FRMD4A: variants seen among roughly 807,000 people sequenced by gnomAD.
The protein encoded by FRMD4A is FERM domain containing 4A.
FRMD4A carries 29 observed loss-of-function variants against 129.1 expected under a neutral mutation model. That is an observed-to-expected ratio of 0.22 (90% CI 0.17 to 0.31). FRMD4A has a LOEUF of 0.31. Ranked by LOEUF, FRMD4A falls within the 10% of genes least tolerant of loss-of-function variation. FRMD4A has a pLI of 1.00. For missense variants in FRMD4A, 1,272 were observed against 1,375.8 expected (o/e 0.92, Z 1.19); for synonymous variants, 634 against 571.6 (o/e 1.11, Z -1.56).
intron 15 of FRMD4A, among the ~76,000 whole-genome samples, chr10:13,689,765 G>A (rs2085498288): frequency 6.6e-6 from 1 of 151,176 alleles, no homozygotes; most frequent in African/African-American, 2.4e-5. Flanking sequence ...GTCTTGCTAT[G>A]TTGCCAAGGC....
intron 2 of FRMD4A, among the ~76,000 whole-genome samples, chr10:14,149,083 T>C (rs1354481074): frequency 6.6e-6 from 1 of 152,196 alleles, no homozygotes; most frequent in East Asian, 1.9e-4. Context: ...ACATCATGAA[T>C]GAGCCAGATC....
intron 4 of FRMD4A, among the ~76,000 whole-genome samples, chr10:13,799,694 A>G (rs1564823575): frequency 6.6e-6 from 1 of 151,964 alleles, no homozygotes; most frequent in Non-Finnish European, 1.5e-5. Context: ...CCTCCTTGGA[A>G]CTGGAGAACT....
At chr10:14,238,883 A>G (rs11258968) in intron 2 of FRMD4A, among the ~76,000 whole-genome samples, 59,590 of 152,036 alleles carry the variant, frequency 0.39, 12,562 homozygotes, top group South Asian at 0.47. Context: ...TTATGGCTGC[A>G]TAGTATTCCA....
At chr10:14,063,766 C>G (rs1416188693) in intron 2 of FRMD4A, among the ~76,000 whole-genome samples, 1 of 152,066 alleles carries the variant, frequency 6.6e-6, no homozygotes, top group Non-Finnish European at 1.5e-5. Context: ...TAACTCCCAT[C>G]TGGTATGCAT....
intron 4 of FRMD4A, among the ~76,000 whole-genome samples, chr10:13,805,066 A>G (rs946498148): frequency 6.6e-6 from 1 of 152,210 alleles, no homozygotes; most frequent in African/African-American, 2.4e-5. Context: ...ACTTTTATGA[A>G]GGAAAGGGAA....
chr10:14,150,509 A>G (rs1197843345), intron 2 of FRMD4A, among the ~76,000 whole-genome samples: 4 of 152,144 alleles, frequency 2.6e-5, no homozygotes, highest in Non-Finnish European at 5.9e-5. Flanking sequence ...TGTCCAGCCA[A>G]TGGATCTGCT....
chr10:13,673,405 T>G (rs954027291), intron 16 of FRMD4A, among the ~76,000 whole-genome samples: 7 of 152,180 alleles, frequency 4.6e-5, no homozygotes, highest in African/African-American at 1.7e-4. Flanking sequence ...GGCCTTAGTG[T>G]TTGGGGGAGG....
chr10:14,310,395 C>G (rs1473490191), intron 2 of FRMD4A, among the ~76,000 whole-genome samples: 1 of 152,200 alleles, frequency 6.6e-6, no homozygotes, highest in South Asian at 2.1e-4. Flanking sequence ...CAGAATTTCC[C>G]TTTTAACAAA....
At chr10:13,945,123 C>A (rs867936211) in intron 2 of FRMD4A, among the ~76,000 whole-genome samples, 9 of 152,190 alleles carry the variant, frequency 5.9e-5, no homozygotes, top group Middle Eastern at 3.4e-3. Flanking sequence ...CTAAGCCAGC[C>A]GGACTAGTGC....
intron 3 of FRMD4A, among the ~76,000 whole-genome samples, chr10:13,834,186 C>T (rs918787989): frequency 6.6e-6 from 1 of 152,134 alleles, no homozygotes; most frequent in Non-Finnish European, 1.5e-5. Flanking sequence ...ATCGCTTGAA[C>T]TTGGGAGGTG....
chr10:14,256,672 C>T (rs1427420376), intron 2 of FRMD4A, among the ~76,000 whole-genome samples: 1 of 152,052 alleles, frequency 6.6e-6, no homozygotes, highest in Non-Finnish European at 1.5e-5. Flanking sequence ...AATTATTCCA[C>T]AAACGGAATT....
chr10:13,792,946 A>G (rs1018546066), intron 5 of FRMD4A, among the ~76,000 whole-genome samples: 4 of 152,178 alleles, frequency 2.6e-5, no homozygotes, highest in African/African-American at 9.6e-5. Context: ...TCTGAGTTCC[A>G]ATTCATGTTA....
At chr10:14,045,565 T>C (rs1411068458) in intron 2 of FRMD4A, among the ~76,000 whole-genome samples, 4 of 150,478 alleles carry the variant, frequency 2.7e-5, no homozygotes, top group African/African-American at 9.7e-5. Context: ...TGTGAATACA[T>C]ATTACTATTA....
intron 2 of FRMD4A, among the ~76,000 whole-genome samples, chr10:14,003,170 T>C (rs1331902457): frequency 1.3e-5 from 2 of 151,968 alleles, no homozygotes; most frequent in Non-Finnish European, 2.9e-5. Flanking sequence ...AGGCAAGAGA[T>C]GGTGGCGGGC....
In FRMD4A at chr10:14,010,044, G is replaced by C. The variant is rs2095675806; in HGVS notation, c.46-151132C>G. Among the ~76,000 whole-genome samples, 4 of 152,222 alleles carry C rather than the reference G, an allele frequency of 2.6e-5. No individual in the cohort carries two copies. The South Asian group carries it at 8.3e-4, about 32-fold the overall frequency. On this transcript the variant is annotated intron_variant, in intron 2 of 24. Transcript: ENST00000357447. ...GACGTTGTAACGGTTTTGAACAAAG[G>C]ATAGGCACACTTTCAGAACACTTTA...
chr10:13,855,207 G>A (rs1392836827), intron 3 of FRMD4A, among the ~76,000 whole-genome samples: 1 of 152,110 alleles, frequency 6.6e-6, no homozygotes, highest in East Asian at 1.9e-4. Context: ...CGGAGTGGCC[G>A]AGTTTACAGT....
intron 2 of FRMD4A, among the ~76,000 whole-genome samples, chr10:14,215,559 A>C (rs922518974): frequency 2.0e-5 from 3 of 152,190 alleles, no homozygotes; most frequent in Non-Finnish European, 4.4e-5. Context: ...TCTTAGAGCA[A>C]AAGAACATTA....
intron 2 of FRMD4A, among the ~76,000 whole-genome samples, chr10:14,268,862 G>A (rs936692219): frequency 6.6e-5 from 10 of 151,332 alleles, no homozygotes; most frequent in African/African-American, 2.2e-4. Flanking sequence ...TACGTATTTT[G>A]TGCTTCTAAA....
At chr10:13,982,294 G>A (rs550354929) in intron 2 of FRMD4A, among the ~76,000 whole-genome samples, 102 of 152,000 alleles carry the variant, frequency 6.7e-4, no homozygotes, top group African/African-American at 2.2e-3. Flanking sequence ...GGCCACCCTG[G>A]GCAACATAGG....
Sources: allele counts gnomAD v4.1 joint callset (sites outside exome capture counted in the v4.1 genomes callset), GRCh38; gene constraint gnomAD v4.1.1; transcripts MANE v1.5; gene names NCBI Gene and HGNC (gene_info 2026-07-23, HGNC 2026-07-21).